The following DNM2 variants were observed in gnomAD, a reference collection of about 807,000 sequenced individuals.
DNM2 encodes the protein dynamin 2, also known as dynamin-2.
In DNM2, 15 loss-of-function variants were observed where a neutral mutation model predicts 99.0. The observed-to-expected ratio is 0.15, with a 90% confidence interval of 0.10 to 0.23. The LOEUF is 0.23. Among genes scored for constraint, DNM2 ranks in the 10% least tolerant of loss-of-function variants. The pLI is 1.00. For missense variants in DNM2, 742 were observed against 1,189.4 expected (o/e 0.62, Z 5.53); for synonymous variants, 525 against 481.2 (o/e 1.09, Z -1.19).
chr19:10,782,552 G>T (rs1599545034), intron 5 of DNM2, among the ~76,000 whole-genome samples: 1 of 151,066 alleles, frequency 6.6e-6, no homozygotes, highest in Non-Finnish European at 1.5e-5. Flanking sequence ...TAGAGGCGGG[G>T]TTTCACCATG....
intron 15 of DNM2, among the ~76,000 whole-genome samples, chr19:10,814,614 C>A (rs1191987775): frequency 6.6e-6 from 1 of 152,148 alleles, no homozygotes; most frequent in Non-Finnish European, 1.5e-5. Flanking sequence ...CTACTTGTCC[C>A]CACCTTTCCC....
intron 12 of DNM2, among the ~76,000 whole-genome samples, chr19:10,804,916 A>T (rs538668753): frequency 6.6e-6 from 1 of 152,222 alleles, no homozygotes; most frequent in Non-Finnish European, 1.5e-5. Flanking sequence ...TTGCTTTTCC[A>T]TATTGTTCTG....
In DNM2 at chr19:10,758,586, G is replaced by A. The variant is rs371144643; in HGVS notation, c.162-1152G>A. On this transcript the variant is annotated intron_variant, in intron 1 of 20. Coordinates refer to ENST00000389253, the MANE Select transcript of DNM2 (RefSeq NM_001005361.3). ...TTCCTTGATGGAGTCTTGCTCTGTC[G>A]CCCAGGCTGGAGTGCAGTGGCACGA... Among the ~76,000 whole-genome samples, 62 of 119,106 alleles carry A rather than the reference G, an allele frequency of 5.2e-4. No individual in the cohort carries two copies. In the East Asian group the frequency reaches 7.8e-3, roughly 15 times the overall value. The allele number at this position is 119,106 out of a possible 152,430, so 78.1% of individuals were successfully genotyped here.
intron 1 of DNM2, among the ~76,000 whole-genome samples, chr19:10,724,007 C>T (rs771057421): frequency 6.6e-6 from 1 of 151,762 alleles, no homozygotes; most frequent in Non-Finnish European, 1.5e-5. Context: ...TGGCTTGAGC[C>T]TGGGATTTCA....
chr19:10,784,755 G>A (rs1282333001), intron 6 of DNM2, among the ~76,000 whole-genome samples: 1 of 151,736 alleles, frequency 6.6e-6, no homozygotes, highest in Non-Finnish European at 1.5e-5. Flanking sequence ...ATAGATGTGA[G>A]GTTCCTTCAT....
At chr19:10,739,092 G>A (rs2069642363) in intron 1 of DNM2, among the ~76,000 whole-genome samples, 1 of 152,086 alleles carries the variant, frequency 6.6e-6, no homozygotes, top group African/African-American at 2.4e-5. Flanking sequence ...AGAATGGCTT[G>A]AATCCTGGAG....
chr19:10,782,548 C>T (rs1384252955), intron 5 of DNM2, among the ~76,000 whole-genome samples: 3 of 151,404 alleles, frequency 2.0e-5, no homozygotes, highest in African/African-American at 4.9e-5. Flanking sequence ...TTAGTAGAGG[C>T]GGGGTTTCAC....
chr19:10,759,878 G>C, intron 2 of DNM2, 67 bp downstream of exon 2: 1 of 1,600,710 alleles, frequency 6.2e-7, no homozygotes, highest in East Asian at 2.2e-5. Context: ...GGAGTTGCTG[G>C]GGGCGGAGGG....
At chr19:10,723,091 G>A (rs1478506487) in intron 1 of DNM2, among the ~76,000 whole-genome samples, 11 of 147,740 alleles carry the variant, frequency 7.4e-5, no homozygotes, top group Admixed American at 7.4e-4. Context: ...TCAGCCTCCC[G>A]AGTAGCTGGG....
intron 5 of DNM2, among the ~76,000 whole-genome samples, chr19:10,779,670 G>C (rs2071291081): frequency 6.6e-6 from 1 of 151,476 alleles, no homozygotes; most frequent in Admixed American, 6.6e-5. Flanking sequence ...ATTGCTCCTG[G>C]CTAGGTTTTA....
intron 1 of DNM2, among the ~76,000 whole-genome samples, chr19:10,741,542 T>C (rs2069747036): frequency 6.6e-6 from 1 of 151,156 alleles, no homozygotes; most frequent in Admixed American, 6.6e-5. Context: ...AATTGGCCAA[T>C]ATTTCTTTCT....
At chr19:10,814,137 C>T (rs940020106) in intron 15 of DNM2, among the ~76,000 whole-genome samples, 1 of 152,062 alleles carries the variant, frequency 6.6e-6, no homozygotes, top group Non-Finnish European at 1.5e-5. Flanking sequence ...CACTGAACTC[C>T]AGCCTGGGCG....
intron 12 of DNM2, among the ~76,000 whole-genome samples, chr19:10,803,350 G>A (rs1000088653): frequency 3.3e-5 from 5 of 152,166 alleles, no homozygotes; most frequent in Non-Finnish European, 5.9e-5. Context: ...GGAGAAGGGA[G>A]GAAGGAAAAC....
At chr19:10,718,989 C>G (rs1186416788) in intron 1 of DNM2, among the ~76,000 whole-genome samples, 1 of 152,152 alleles carries the variant, frequency 6.6e-6, no homozygotes, top group Non-Finnish European at 1.5e-5. Flanking sequence ...CCATCCGTGC[C>G]CCTCACAGAC....
In DNM2 at chr19:10,796,485, A is replaced by T. The variant is rs2071938287; in HGVS notation, c.1197-895A>T. Reference sequence around the variant, plus strand: ...ATGTGTCTGATGAAATTGGGGTTTCACTGGGCTGTTGCTTTGCTGCCTCCT... The same window carrying T: ...ATGTGTCTGATGAAATTGGGGTTTCTCTGGGCTGTTGCTTTGCTGCCTCCT... On this transcript the variant is annotated intron_variant, in intron 9 of 20. Coordinates refer to ENST00000389253, the MANE Select transcript of DNM2 (RefSeq NM_001005361.3). The surrounding 1 kb of genome is among the most constrained non-coding windows in gnomAD (Gnocchi z 5.6). Among the ~76,000 whole-genome samples the T allele has an allele frequency of 6.6e-6, 1 of 152,100 alleles. No individual in the cohort carries two copies. The highest frequency in any genetic ancestry group is 2.1e-4 in the South Asian group (1 of 4,826).
intron 5 of DNM2, among the ~76,000 whole-genome samples, chr19:10,779,502 C>CTTTTTTTTTTTTTTTTTTTTTTT (rs55819116): frequency 9.5e-4 from 28 of 29,626 alleles, no homozygotes; most frequent in East Asian, 2.3e-3. Context: ...TTCTTTCTTT[C>CTTTTTTTTTTTTTTTTTTTTTTT]TTTTTTTTTT....
chr19:10,721,896 G>T (rs2068952593), intron 1 of DNM2, among the ~76,000 whole-genome samples: 1 of 152,078 alleles, frequency 6.6e-6, no homozygotes, highest in Non-Finnish European at 1.5e-5. Flanking sequence ...ATTTCTTGTG[G>T]CTCTAAGACA....
intron 12 of DNM2, chr19:10,802,568 G>T: frequency 1.5e-6 from 1 of 649,542 alleles, no homozygotes; most frequent in Non-Finnish European, 2.8e-6. Context: ...CCTTCTGTGA[G>T]GCATCCCCAT....
intron 18 of DNM2, among the ~76,000 whole-genome samples, chr19:10,826,012 G>A (rs1261323683): frequency 1.3e-5 from 2 of 152,032 alleles, no homozygotes; most frequent in African/African-American, 2.4e-5. Context: ...TCCAGCCTGG[G>A]CGACAGAGCA....
Sources: allele counts gnomAD v4.1 joint callset (sites outside exome capture counted in the v4.1 genomes callset), GRCh38; gene constraint gnomAD v4.1.1; non-coding constraint Gnocchi (gnomAD v3.1); transcripts MANE v1.5; gene names NCBI Gene and HGNC (gene_info 2026-07-23, HGNC 2026-07-21).